The following TAF2 variants were observed in gnomAD, a reference collection of about 807,000 sequenced individuals.
The protein encoded by TAF2 is TATA-box binding protein associated factor 2.
Under a neutral mutation model 138.5 loss-of-function variants are expected in TAF2, and 61 were observed. The ratio of observed to expected loss-of-function variants is 0.44; its 90% CI spans 0.36 to 0.54. The LOEUF (loss-of-function observed/expected upper bound fraction) is 0.54. TAF2 is among the 20% of genes least tolerant of loss of function. The probability of loss-of-function intolerance (pLI) is 0.00; values close to 1 mark genes in which losing one functional copy is unlikely to be tolerated. For synonymous variants in TAF2, 475 were observed against 469.9 expected, an observed-to-expected ratio of 1.01 and a Z score of -0.14; for missense variants, 1,090 against 1,427.9, an observed-to-expected ratio of 0.76 and a Z score of 3.81.
At chr8:119,735,689 A>G (rs1819179142) in intron 25 of TAF2, among the ~76,000 whole-genome samples, 1 of 152,246 alleles carries the variant, frequency 6.6e-6, no homozygotes, top group Non-Finnish European at 1.5e-5. Context: ...ATCTTCTGTA[A>G]TAACTGGTAC....
chr8:119,785,296 T>C (rs1822941269), intron 14 of TAF2, 30 bp from the exon 15 acceptor site: 2 of 1,513,850 alleles, frequency 1.3e-6, no homozygotes, highest in East Asian at 2.3e-5. Context: ...GGTTGGAAAA[T>C]TGTGAGATTT....
chr8:119,789,532 C>G, intron 12 of TAF2, 60 bp downstream of exon 12: 1 of 1,595,302 alleles, frequency 6.3e-7, no homozygotes, highest in Non-Finnish European at 8.6e-7. Context: ...TTCCATCTTC[C>G]CCTTGCACAC....
chr8:119,764,282 G>C (rs1421877617), intron 18 of TAF2, among the ~76,000 whole-genome samples: 1 of 152,150 alleles, frequency 6.6e-6, no homozygotes, highest in Admixed American at 6.5e-5. Flanking sequence ...GTTACCTATT[G>C]TAGTTATTAT....
At chr8:119,793,280 A>G in intron 10 of TAF2, 86 bp downstream of exon 10, 1 of 1,136,642 alleles carries the variant, frequency 8.8e-7, no homozygotes, top group Non-Finnish European at 1.3e-6. Context: ...ATTCTGAGGT[A>G]CAATGAAATA....
intron 14 of TAF2, among the ~76,000 whole-genome samples, chr8:119,785,698 T>C (rs545996668): frequency 1.3e-5 from 2 of 152,290 alleles, no homozygotes; most frequent in African/African-American, 4.8e-5. Context: ...TAATAAAATA[T>C]CTTAAGAGTA....
rs762885398 is a variant in TAF2 at position 119,762,415 on chromosome 8, C to T, written c.2558G>A (p.Ser853Asn). ...TTTAAAGTAAGGAATTTAATCATAC[C>T]TGACAGTGATGGTATGCCTGTAACT... ...LPSYRHTITV[S>N]CLRAIRVLQK... Residue 853 changes from serine to asparagine, a missense_variant and splice_region_variant, in exon 19 of 26, where the codon AGT (serine) becomes AAT (asparagine). By Grantham distance (46) the Ser-to-Asn change is conservative (BLOSUM62 1). This residue lies in a region of TAF2 where 580 missense variants were observed against 719.6 expected (regional missense o/e 0.81). Coordinates refer to ENST00000378164, the MANE Select transcript of TAF2 (RefSeq NM_003184.4). 1.9e-6 allele frequency: 3 copies of T among 1,613,034 alleles called. No homozygotes were observed. Among genetic ancestry groups the T allele is most frequent in the Non-Finnish European group, 2.5e-6 (3 of 1,179,334 alleles).
intron 18 of TAF2, among the ~76,000 whole-genome samples, chr8:119,768,541 A>G (rs547988283): frequency 5.9e-5 from 9 of 152,190 alleles, no homozygotes; most frequent in East Asian, 1.9e-4. Context: ...TATGATTTCA[A>G]TTTTTTTGAA....
intron 20 of TAF2, among the ~76,000 whole-genome samples, chr8:119,760,042 A>G (rs1242547337): frequency 6.6e-6 from 1 of 151,960 alleles, no homozygotes; most frequent in Non-Finnish European, 1.5e-5. Flanking sequence ...CCCCCAGAGT[A>G]TTCTGTTGTT....
At chr8:119,774,570 A>G (rs1485735617) in intron 18 of TAF2, among the ~76,000 whole-genome samples, 1 of 151,816 alleles carries the variant, frequency 6.6e-6, no homozygotes, top group East Asian at 1.9e-4. Context: ...CCCTCTTCCA[A>G]TGTGGACCAG....
intron 18 of TAF2, among the ~76,000 whole-genome samples, chr8:119,764,082 G>C (rs1821260348): frequency 6.6e-6 from 1 of 150,548 alleles, no homozygotes; most frequent in South Asian, 2.1e-4. Flanking sequence ...GGAGGTGGAG[G>C]TTGCAGTGAG....
chr8:119,765,351 A>G (rs1821348355), intron 18 of TAF2, among the ~76,000 whole-genome samples: 1 of 152,224 alleles, frequency 6.6e-6, no homozygotes, highest in African/African-American at 2.4e-5. Flanking sequence ...GGAGTCAAGA[A>G]AACAAAACAA....
chr8:119,817,953 C>T (rs1825583387), intron 3 of TAF2, among the ~76,000 whole-genome samples: 2 of 152,152 alleles, frequency 1.3e-5, no homozygotes, highest in Middle Eastern at 3.2e-3. Context: ...ACAAATGTGG[C>T]TTTAAAAGCA....
intron 2 of TAF2, among the ~76,000 whole-genome samples, chr8:119,828,789 T>C (rs764061967): frequency 1.2e-4 from 18 of 152,214 alleles, no homozygotes; most frequent in African/African-American, 3.9e-4. Flanking sequence ...GGCTGAACTG[T>C]CATCTCTCAC....
At chr8:119,822,114 C>A (rs1472601580) in intron 2 of TAF2, among the ~76,000 whole-genome samples, 1 of 151,990 alleles carries the variant, frequency 6.6e-6, no homozygotes, top group African/African-American at 2.4e-5. Flanking sequence ...TTATTCTTTT[C>A]TGCTTATCCT....
intron 2 of TAF2, among the ~76,000 whole-genome samples, chr8:119,830,180 G>A (rs1264295676): frequency 1.3e-5 from 2 of 152,000 alleles, no homozygotes; most frequent in Non-Finnish European, 2.9e-5. Flanking sequence ...CTACAGGTGT[G>A]AGCCACCGTG....
chr8:119,739,738 A>G (rs1237931611), intron 25 of TAF2, among the ~76,000 whole-genome samples: 1 of 150,664 alleles, frequency 6.6e-6, no homozygotes, highest in Non-Finnish European at 1.5e-5. Flanking sequence ...GTCCTGAGGA[A>G]CAGCATAAAT....
At chr8:119,769,319 C>A (rs1410415775) in intron 18 of TAF2, among the ~76,000 whole-genome samples, 1 of 152,086 alleles carries the variant, frequency 6.6e-6, no homozygotes, top group Admixed American at 6.5e-5. Flanking sequence ...GAGGAAGAGT[C>A]CCATCCAAAC....
At chr8:119,808,481 G>C (rs1052947319) in intron 3 of TAF2, among the ~76,000 whole-genome samples, 16 of 152,152 alleles carry the variant, frequency 1.1e-4, no homozygotes, top group African/African-American at 3.9e-4. Flanking sequence ...CCAAACCCTT[G>C]TTCATGTTGA....
In TAF2 at chr8:119,781,264, TAA is replaced by T. The variant is rs1018770300; in HGVS notation, c.2113-73_2113-72del. 6.0e-5 allele frequency: 94 copies of T among 1,563,922 alleles called. No individual in the cohort carries two copies. In the African/African-American group the frequency reaches 1.2e-3, roughly 21 times the overall value. On this transcript the variant is annotated intron_variant, in intron 16 of 25. Transcript: ENST00000378164. ...CATACTTTAAAATAAAACAGCTTCT[TAA>T]AAGTTATCAATACTACAACTGGATT...
Sources: gnomAD v4.1 joint callset for allele counts (sites outside exome capture counted in the v4.1 genomes callset) on GRCh38, gnomAD v4.1.1 for gene constraint, gnomAD v4.1.1 regional missense constraint, MANE v1.5 for transcripts, NCBI Gene and HGNC (gene_info 2026-07-23, HGNC 2026-07-21) for gene names.